The following ASCC3 variants were observed in gnomAD, a reference collection of about 807,000 sequenced individuals.
ASCC3 encodes the protein ASC-1 complex subunit P200.
ASCC3 carries 158 observed loss-of-function variants against 256.3 expected under a neutral mutation model. The observed-to-expected ratio is 0.62, with a 90% CI of 0.54 to 0.70. The LOEUF (loss-of-function observed/expected upper bound fraction) is 0.70, where lower values mean the gene tolerates loss of function less well. ASCC3 is among the 30% of genes least tolerant of loss of function. The pLI is 0.00. For synonymous variants in ASCC3, 948 were observed against 883.4 expected (o/e 1.07, Z -1.30); for missense variants, 2,259 against 2,626.0 (o/e 0.86, Z 3.05).
At chr6:100,615,587 T>C (rs1425486572) in intron 30 of ASCC3, among the ~76,000 whole-genome samples, 2 of 152,216 alleles carry the variant, frequency 1.3e-5, no homozygotes, top group Non-Finnish European at 2.9e-5. Context: ...TTTAATGAAT[T>C]CTAAAGTACT....
intron 37 of ASCC3, chr6:100,530,204 T>C (rs928568243): frequency 2.9e-6 from 2 of 699,814 alleles, no homozygotes; most frequent in Non-Finnish European, 5.1e-6. Context: ...ATTTTTCTTG[T>C]AGTCTTTAAG....
intron 8 of ASCC3, among the ~76,000 whole-genome samples, chr6:100,790,697 T>C (rs1206713166): frequency 6.6e-6 from 1 of 152,000 alleles, no homozygotes. Flanking sequence ...CAGTTCAATG[T>C]CTTTAAGTTT....
At chr6:100,685,397 A>G (rs1437636770) in intron 13 of ASCC3, among the ~76,000 whole-genome samples, 1 of 152,150 alleles carries the variant, frequency 6.6e-6, no homozygotes, top group African/African-American at 2.4e-5. Context: ...AAGAGAATTA[A>G]GCCCTAAAGA....
At chr6:100,667,020 TATA>T (rs1312977008) in intron 14 of ASCC3, among the ~76,000 whole-genome samples, 2 of 152,232 alleles carry the variant, frequency 1.3e-5, no homozygotes, top group Non-Finnish European at 2.9e-5. Flanking sequence ...TTCTATTAAA[TATA>T]ATGTGTTTAT....
At chr6:100,552,027 C>G (rs542462975) in intron 36 of ASCC3, among the ~76,000 whole-genome samples, 1 of 151,868 alleles carries the variant, frequency 6.6e-6, no homozygotes, top group African/African-American at 2.4e-5. Flanking sequence ...GTAACTGTAA[C>G]TCCCCAGGTC....
At chr6:100,586,575 G>T (rs551012591) in intron 36 of ASCC3, among the ~76,000 whole-genome samples, 1 of 152,056 alleles carries the variant, frequency 6.6e-6, no homozygotes, top group African/African-American at 2.4e-5. Context: ...GCTCACGCAC[G>T]GTGTGCTGCA....
intron 36 of ASCC3, among the ~76,000 whole-genome samples, chr6:100,540,941 T>C (rs1775426699): frequency 6.6e-6 from 1 of 152,166 alleles, no homozygotes; most frequent in East Asian, 1.9e-4. Context: ...TTACTATTTA[T>C]TGTAACCAAT....
At chr6:100,724,148 C>A (rs931075758) in intron 11 of ASCC3, among the ~76,000 whole-genome samples, 75 of 126,226 alleles carry the variant, frequency 5.9e-4, no homozygotes, top group South Asian at 1.4e-3. Flanking sequence ...TACAAAAAAA[C>A]AAAAAAAAAA....
intron 10 of ASCC3, among the ~76,000 whole-genome samples, chr6:100,727,667 C>CAACAAT (rs1354543478): frequency 1.3e-5 from 2 of 148,350 alleles, no homozygotes; most frequent in Non-Finnish European, 2.9e-5. Context: ...ACAACAACAA[C>CAACAAT]AACAACAACA....
At chr6:100,796,465 C>A (rs1769619590) in intron 8 of ASCC3, among the ~76,000 whole-genome samples, 1 of 152,062 alleles carries the variant, frequency 6.6e-6, no homozygotes, top group Non-Finnish European at 1.5e-5. Context: ...AAGCCCTTAC[C>A]CCTCAATGTG....
At chr6:100,609,907 C>G (rs1773307621) in intron 30 of ASCC3, among the ~76,000 whole-genome samples, 1 of 151,944 alleles carries the variant, frequency 6.6e-6, no homozygotes. Flanking sequence ...TAGATTCTGT[C>G]TCACAAAAAA....
chr6:100,619,610 G>A (rs370063865), intron 30 of ASCC3, among the ~76,000 whole-genome samples: 13 of 152,192 alleles, frequency 8.5e-5, no homozygotes, highest in Middle Eastern at 3.4e-3. Context: ...ATGTACAGAT[G>A]ATGTATGGTA....
intron 4 of ASCC3, among the ~76,000 whole-genome samples, chr6:100,832,698 G>A (rs539851251): frequency 6.6e-6 from 1 of 151,910 alleles, no homozygotes; most frequent in Non-Finnish European, 1.5e-5. Flanking sequence ...TGCACCAGAC[G>A]TAAAATTCAA....
Position 100,864,060 on chromosome 6 carries a change from A to T in ASCC3, c.241+4T>A. The T allele has an allele frequency of 6.5e-7, 1 of 1,547,700 alleles. No homozygotes were observed. The highest frequency in any genetic ancestry group is 8.8e-7 in the Non-Finnish European group (1 of 1,142,686). On this transcript the variant is annotated splice_donor_region_variant and intron_variant, in intron 3 of 41. Transcript: ENST00000369162. ...AAAAAAAAAAGAAAAAAAGAAAACT[A>T]TACCTATCTGCTTTGCAGCATGTAA...
At chr6:100,612,209 G>T (rs1432036211) in intron 30 of ASCC3, among the ~76,000 whole-genome samples, 1 of 151,866 alleles carries the variant, frequency 6.6e-6, no homozygotes, top group Non-Finnish European at 1.5e-5. Flanking sequence ...CATTTAAGTA[G>T]ATACATTACT....
chr6:100,861,148 T>G (rs1184777454), intron 3 of ASCC3, among the ~76,000 whole-genome samples: 2 of 152,080 alleles, frequency 1.3e-5, no homozygotes, highest in African/African-American at 4.8e-5. Flanking sequence ...GACCTCTAAC[T>G]ACAAGGAAAG....
At chr6:100,738,599 T>G (rs946830288) in intron 10 of ASCC3, among the ~76,000 whole-genome samples, 1 of 152,232 alleles carries the variant, frequency 6.6e-6, no homozygotes, top group Non-Finnish European at 1.5e-5. Context: ...ATCACTACCA[T>G]GCTGTTTTGG....
At position 100,646,767 on chromosome 6, in the gene ASCC3, GACCTGCAAGAAAAATATCA is replaced by G; in HGVS notation, c.3479-17_3480del. On this transcript the variant is annotated splice_acceptor_variant and splice_polypyrimidine_tract_variant and coding_sequence_variant and intron_variant, in exon 22 of 42. Coordinates refer to ENST00000369162, the MANE Select transcript of ASCC3 (RefSeq NM_006828.4). LOFTEE classifies it high-confidence loss of function. ...CCAATATTCACATGATGTAAAATGTGACCTGCAAGAAAAATATCACATAGAAGAAATGTGTCCAGGCAGA... is the reference window on the plus strand; with the variant it reads ...CCAATATTCACATGATGTAAAATGTGCATAGAAGAAATGTGTCCAGGCAGA... 1 of 1,613,612 alleles carries G rather than the reference GACCTGCAAGAAAAATATCA, an allele frequency of 6.2e-7. No homozygotes were observed.
At chr6:100,765,432 G>C (rs1781607092) in intron 10 of ASCC3, among the ~76,000 whole-genome samples, 1 of 152,142 alleles carries the variant, frequency 6.6e-6, no homozygotes, top group African/African-American at 2.4e-5. Context: ...TATTCTCACT[G>C]AATAGATCAG....
Sources: gnomAD v4.1 joint callset for allele counts (sites outside exome capture counted in the v4.1 genomes callset) on GRCh38, gnomAD v4.1.1 for gene constraint, MANE v1.5 for transcripts, NCBI Gene and HGNC (gene_info 2026-07-23, HGNC 2026-07-21) for gene names.